Variants in BACH2 observed in about 807,000 individuals in gnomAD.
The protein encoded by BACH2 is transcription regulator protein BACH2.
In BACH2, 5 loss-of-function variants were observed where a neutral mutation model predicts 61.8. The ratio of observed to expected loss-of-function variants is 0.08; its 90% CI spans 0.04 to 0.17. The LOEUF is 0.17. Among genes scored for constraint, BACH2 ranks in the 10% least tolerant of loss-of-function variants. BACH2 has a pLI of 1.00. For synonymous variants in BACH2, 446 were observed against 440.1 expected (o/e 1.01, Z -0.17); for missense variants, 824 against 1,091.1 (o/e 0.76, Z 3.45).
chr6:90,078,584 C>G (rs1781578640), intron 5 of BACH2, among the ~76,000 whole-genome samples: 2 of 152,158 alleles, frequency 1.3e-5, no homozygotes, highest in Admixed American at 1.3e-4. Context: ...CAAATGCTCT[C>G]AAATTCTCCA....
At chr6:89,948,065 G>A (rs553658979) in intron 7 of BACH2, among the ~76,000 whole-genome samples, 17 of 152,196 alleles carry the variant, frequency 1.1e-4, no homozygotes, top group Admixed American at 4.6e-4. Flanking sequence ...TGTTCTTGCT[G>A]TGGCCCCAAG....
intron 5 of BACH2, among the ~76,000 whole-genome samples, chr6:90,038,369 C>T (rs138664624): frequency 9.9e-4 from 150 of 152,232 alleles, no homozygotes; most frequent in African/African-American, 3.4e-3. Context: ...ACTTCCTTCA[C>T]CTTAGTTTTC....
chr6:90,052,903 A>T (rs1220924847), intron 5 of BACH2, among the ~76,000 whole-genome samples: 1 of 152,226 alleles, frequency 6.6e-6, no homozygotes, highest in African/African-American at 2.4e-5. Context: ...GGCAATTTAC[A>T]TATATTGTGA....
At chr6:90,204,962 A>G (rs533348743) in intron 4 of BACH2, among the ~76,000 whole-genome samples, 2 of 152,182 alleles carry the variant, frequency 1.3e-5, no homozygotes, top group East Asian at 3.9e-4. Flanking sequence ...CTCAAAAACA[A>G]TTGCTTGTTT....
At position 90,200,831 on chromosome 6, in the gene BACH2, T is replaced by C. The variant is rs1227428663; in HGVS notation, c.-162+5738A>G. On this transcript the variant is annotated intron_variant, in intron 4 of 8. Transcript: ENST00000257749. Reference sequence around the variant, plus strand: ...ATGAAGTTCATATTTTAAAGATAATTAGTATATTTTATTTAAAAATATTTT... The same window carrying C: ...ATGAAGTTCATATTTTAAAGATAATCAGTATATTTTATTTAAAAATATTTT... Among the ~76,000 whole-genome samples the C allele has an allele frequency of 2.6e-5, 4 of 152,306 alleles. No individual in the cohort carries two copies. The East Asian group carries it at 5.8e-4, about 22-fold the overall frequency.
chr6:90,183,389 T>C (rs1403008148), intron 4 of BACH2, among the ~76,000 whole-genome samples: 1 of 152,250 alleles, frequency 6.6e-6, no homozygotes, highest in Non-Finnish European at 1.5e-5. Context: ...AACTGTTGAC[T>C]GGCTGTAGGT....
intron 1 of BACH2, among the ~76,000 whole-genome samples, chr6:90,279,522 CAAAAA>C (rs10637718): frequency 8.1e-6 from 1 of 124,198 alleles, no homozygotes; most frequent in African/African-American, 3.0e-5. Flanking sequence ...GACTCCGTCT[CAAAAA>C]AAAAAAAAAA....
rs563160851 is a variant in BACH2 at position 90,032,344 on chromosome 6, A to C, written c.-12-23488T>G. On this transcript the variant is annotated intron_variant, in intron 5 of 8. Coordinates refer to ENST00000257749, the MANE Select transcript of BACH2 (RefSeq NM_021813.4). The stretch of plus-strand genomic sequence containing the variant: ...CCAAAAGCAATGGCAACAAAAGCCA[A>C]AATTGACAAACGGGATCTAATTAAA... Among the ~76,000 whole-genome samples, 1,331 of 142,856 alleles carry C rather than the reference A, an allele frequency of 9.3e-3. 13 individuals carry two copies. Among genetic ancestry groups the C allele is most frequent in the South Asian group, 0.023 (95 of 4,198 alleles). The allele number at this position is 142,856 out of a possible 152,430, so 93.7% of individuals were successfully genotyped here. A position where few individuals can be genotyped will look rare whatever the true frequency, so the allele number is the denominator to read the frequency against.
At chr6:90,100,133 A>G (rs1782551050) in intron 4 of BACH2, among the ~76,000 whole-genome samples, 1 of 152,242 alleles carries the variant, frequency 6.6e-6, no homozygotes, top group South Asian at 2.1e-4. Flanking sequence ...GCTGCATAAT[A>G]ATCAATTATA....
chr6:90,124,837 C>G (rs1444311122), intron 4 of BACH2, among the ~76,000 whole-genome samples: 2 of 152,150 alleles, frequency 1.3e-5, no homozygotes, highest in Non-Finnish European at 2.9e-5. Context: ...CATTCTGATA[C>G]CTAATGCCAG....
intron 4 of BACH2, among the ~76,000 whole-genome samples, chr6:90,184,747 T>C (rs1768293542): frequency 6.6e-6 from 1 of 152,184 alleles, no homozygotes; most frequent in African/African-American, 2.4e-5. Flanking sequence ...CTCTACCTGC[T>C]TTCCAAGTGC....
intron 5 of BACH2, among the ~76,000 whole-genome samples, chr6:90,057,565 T>A (rs984427559): frequency 6.6e-6 from 1 of 152,194 alleles, no homozygotes; most frequent in African/African-American, 2.4e-5. Flanking sequence ...GCTGGTACCA[T>A]TCCTTCTGAA....
Position 90,008,797 on chromosome 6 carries a change from G to A in BACH2, c.48C>T (p.Ser16=). The part of the protein sequence containing the change: ...KPDSPMYVYE[S]TVHCTNILLG... ...GGAGGATGTTGGTGCAGTGGACTGT[G>A]GACTCATACACATACATGGGGGAGT... The change falls in exon 6 of 9, where the codon TCC becomes TCT. Residue 16 remains serine, a synonymous_variant. Coordinates refer to ENST00000257749, the MANE Select transcript of BACH2 (RefSeq NM_021813.4). The surrounding 1 kb of genome is among the most constrained non-coding windows in gnomAD (Gnocchi z 4.1). 1.2e-6 allele frequency: 2 copies of A among 1,614,070 alleles called. No individual in the cohort carries two copies. Among genetic ancestry groups the A allele is most frequent in the South Asian group, 2.2e-5 (2 of 91,070 alleles).
At chr6:89,936,947 TTC>T (rs1773064265) in intron 8 of BACH2, among the ~76,000 whole-genome samples, 1 of 151,870 alleles carries the variant, frequency 6.6e-6, no homozygotes, top group African/African-American at 2.4e-5. Context: ...TGAGATGAGT[TTC>T]TGTTATTTGG....
chr6:90,009,958 C>T (rs775061886), intron 5 of BACH2, among the ~76,000 whole-genome samples: 1 of 152,234 alleles, frequency 6.6e-6, no homozygotes, highest in African/African-American at 2.4e-5. Flanking sequence ...AGCCACTGTG[C>T]CTGGCCCCGC....
At chr6:90,207,203 C>T (rs959251057) in intron 3 of BACH2, among the ~76,000 whole-genome samples, 2 of 152,132 alleles carry the variant, frequency 1.3e-5, no homozygotes, top group African/African-American at 2.4e-5. Context: ...ACTGCAGCCT[C>T]AACCTTCTCG....
rs187965861 is a variant in BACH2, at chr6:90,012,963, G to A, written c.-12-4107C>T. Reference sequence around the variant, plus strand: ...ACCACCACACTGGGCCCTCAGCAACGTTTTATGGTAGTATATAGGTCTTTT... The same window carrying A: ...ACCACCACACTGGGCCCTCAGCAACATTTTATGGTAGTATATAGGTCTTTT... On this transcript the variant is annotated intron_variant, in intron 5 of 8. Coordinates refer to ENST00000257749, the MANE Select transcript of BACH2 (RefSeq NM_021813.4). Among the ~76,000 whole-genome samples the A allele has an allele frequency of 1.1e-3, 162 of 152,156 alleles. 2 individuals carry two copies. The highest frequency in any genetic ancestry group is 2.8e-3 in the African/African-American group (118 of 41,526).
At chr6:90,245,030 C>T (rs1770585736) in intron 3 of BACH2, among the ~76,000 whole-genome samples, 1 of 151,850 alleles carries the variant, frequency 6.6e-6, no homozygotes, top group South Asian at 2.1e-4. Context: ...CCTGTCTCTA[C>T]TAAAAACACA....
intron 5 of BACH2, among the ~76,000 whole-genome samples, chr6:90,056,796 C>T (rs1412199743): frequency 1.3e-5 from 2 of 152,158 alleles, no homozygotes; most frequent in African/African-American, 4.8e-5. Context: ...TGCAATCAAA[C>T]TAGAAATCAG....
Sources: gnomAD v4.1 joint callset for allele counts (sites outside exome capture counted in the v4.1 genomes callset) on GRCh38, gnomAD v4.1.1 for gene constraint, Gnocchi (gnomAD v3.1) non-coding constraint, MANE v1.5 for transcripts, NCBI Gene and HGNC (gene_info 2026-07-23, HGNC 2026-07-21) for gene names.